GRIK2: variants seen among roughly 807,000 people sequenced by gnomAD.
GRIK2 encodes the protein glutamate receptor ionotropic, kainate 2.
Under a neutral mutation model 100.3 loss-of-function variants are expected in GRIK2, and 32 were observed. The ratio of observed to expected loss-of-function variants is 0.32; its 90% CI spans 0.24 to 0.43. The LOEUF (loss-of-function observed/expected upper bound fraction) is 0.43, where lower values mean the gene tolerates loss of function less well. Among genes scored for constraint, GRIK2 ranks in the 20% least tolerant of loss-of-function variants. The pLI is 1.00. For synonymous variants in GRIK2, 417 were observed against 389.4 expected, an observed-to-expected ratio of 1.07 and a Z score of -0.83; for missense variants, 843 against 1,114.9, an observed-to-expected ratio of 0.76 and a Z score of 3.47.
At chr6:101,948,458 T>C (rs78578065) in intron 14 of GRIK2, among the ~76,000 whole-genome samples, 38 of 125,854 alleles carry the variant, frequency 3.0e-4, no homozygotes, top group African/African-American at 7.7e-4. Flanking sequence ...TATATATATA[T>C]ACACACATAT....
intron 7 of GRIK2, among the ~76,000 whole-genome samples, chr6:101,742,227 A>G (rs1776080058): frequency 6.6e-6 from 1 of 152,332 alleles, no homozygotes; most frequent in Admixed American, 6.5e-5. Context: ...TATGCCAATC[A>G]CTAAGGTGAC....
chr6:101,642,123 G>T (rs552655310), intron 4 of GRIK2, among the ~76,000 whole-genome samples: 1 of 151,746 alleles, frequency 6.6e-6, no homozygotes, highest in African/African-American at 2.4e-5. Context: ...AACTTTTAAA[G>T]AATTTTGCAA....
chr6:101,809,964 C>A (rs2128418011), intron 9 of GRIK2, among the ~76,000 whole-genome samples: 1 of 151,870 alleles, frequency 6.6e-6, no homozygotes, highest in South Asian at 2.1e-4. Context: ...AATCAGATTG[C>A]CTTATTTGAG....
At chr6:101,398,210 G>A (rs1002085099) in intron 1 of GRIK2, among the ~76,000 whole-genome samples, 3 of 152,070 alleles carry the variant, frequency 2.0e-5, no homozygotes, top group African/African-American at 4.8e-5. Flanking sequence ...AGAAATTTGG[G>A]CATAAATTAT....
rs556481597 is a variant in GRIK2 at position 101,462,523 on chromosome 6, T to C, written c.115+63131T>C. ...GGGACACAATTTCTCTGTTTTATAG[T>C]ATAAAATGTTATTTTTCTTAAAAAA... On this transcript the variant is annotated intron_variant, in intron 2 of 16. Transcript: ENST00000369134. Among the ~76,000 whole-genome samples, 5 of 152,242 alleles carry C rather than the reference T, an allele frequency of 3.3e-5. No homozygotes were observed. The East Asian group carries it at 9.7e-4, about 29-fold the overall frequency.
intron 2 of GRIK2, among the ~76,000 whole-genome samples, chr6:101,546,900 G>A (rs200320122): frequency 0.18 from 23,838 of 133,146 alleles, 2,570 homozygotes; most frequent in South Asian, 0.31. Flanking sequence ...GCGGGATCTC[G>A]GCTCACTGCA....
rs539392805 is a variant in GRIK2 at position 102,039,406 on chromosome 6, C to A, written c.2311+3840C>A. Among the ~76,000 whole-genome samples the A allele has an allele frequency of 4.0e-5, 6 of 151,520 alleles. No homozygotes were observed. In the East Asian group the frequency reaches 1.2e-3, roughly 30 times the overall value. ...GGTAGATTTTTGAAGTTGCAGGAGA[C>A]CTTACTTGGTAAGTTAACTGAACTT... On this transcript the variant is annotated intron_variant, in intron 15 of 16. Coordinates refer to ENST00000369134, the MANE Select transcript of GRIK2 (RefSeq NM_021956.5).
chr6:101,511,955 G>A (rs1774340808), intron 2 of GRIK2, among the ~76,000 whole-genome samples: 1 of 151,728 alleles, frequency 6.6e-6, no homozygotes, highest in Admixed American at 6.6e-5. Context: ...ATACCCAATG[G>A]AAACAGCATC....
intron 7 of GRIK2, among the ~76,000 whole-genome samples, chr6:101,786,605 C>G (rs113025642): frequency 0.033 from 5,077 of 152,124 alleles, 204 homozygotes; most frequent in African/African-American, 0.094. Context: ...TTGTTTTATG[C>G]AGGTTGAACC....
chr6:101,493,047 G>A (rs1056831454), intron 2 of GRIK2, among the ~76,000 whole-genome samples: 11 of 151,856 alleles, frequency 7.2e-5, no homozygotes, highest in African/African-American at 2.7e-4. Context: ...AAGTAGATTT[G>A]ACACAGCTAA....
intron 2 of GRIK2, among the ~76,000 whole-genome samples, chr6:101,581,213 T>A (rs191024191): frequency 2.1e-5 from 3 of 144,370 alleles, no homozygotes; most frequent in Admixed American, 2.1e-4. Context: ...CGCATATATA[T>A]ACATTCACAC....
At chr6:101,967,665 C>G (rs1276374197) in intron 14 of GRIK2, among the ~76,000 whole-genome samples, 1 of 152,050 alleles carries the variant, frequency 6.6e-6, no homozygotes, top group Non-Finnish European at 1.5e-5. Flanking sequence ...CAGGTGTTTT[C>G]CTTCCCAGTG....
At chr6:101,996,150 A>G (rs975811791) in intron 14 of GRIK2, among the ~76,000 whole-genome samples, 2 of 151,866 alleles carry the variant, frequency 1.3e-5, no homozygotes, top group Admixed American at 6.6e-5. Context: ...AGGTTGTTCT[A>G]AAATTGTTCT....
chr6:101,777,845 C>T (rs983667272), intron 7 of GRIK2, among the ~76,000 whole-genome samples: 6 of 152,168 alleles, frequency 3.9e-5, no homozygotes, highest in Admixed American at 2.0e-4. Context: ...GTTCAAGGAA[C>T]TGTTACTATA....
At chr6:101,715,666 G>A (rs1451897936) in intron 7 of GRIK2, among the ~76,000 whole-genome samples, 1 of 151,702 alleles carries the variant, frequency 6.6e-6, no homozygotes, top group Non-Finnish European at 1.5e-5. Flanking sequence ...TTAATCCCAT[G>A]TTATGAAAAA....
chr6:101,781,914 A>G (rs1156952216), intron 7 of GRIK2, among the ~76,000 whole-genome samples: 1 of 152,044 alleles, frequency 6.6e-6, no homozygotes, highest in Admixed American at 6.6e-5. Context: ...AAGTGCCAGT[A>G]TGGGTTCTGA....
chr6:101,407,842 A>G (rs985904023), intron 2 of GRIK2, among the ~76,000 whole-genome samples: 1 of 152,196 alleles, frequency 6.6e-6, no homozygotes, highest in African/African-American at 2.4e-5. Flanking sequence ...TACAGAAAAT[A>G]TATACAATAG....
chr6:101,485,929 T>A (rs1428118766), intron 2 of GRIK2, among the ~76,000 whole-genome samples: 1 of 150,750 alleles, frequency 6.6e-6, no homozygotes, highest in East Asian at 2.0e-4. Flanking sequence ...TTTTTTTTTT[T>A]AGTAAAACAG....
intron 7 of GRIK2, among the ~76,000 whole-genome samples, chr6:101,700,552 T>A (rs987649523): frequency 6.6e-6 from 1 of 152,108 alleles, no homozygotes; most frequent in Non-Finnish European, 1.5e-5. Context: ...AAAGATATGT[T>A]TGCCTTACAC....
Sources: gnomAD v4.1 joint callset for allele counts (sites outside exome capture counted in the v4.1 genomes callset) on GRCh38, gnomAD v4.1.1 for gene constraint, MANE v1.5 for transcripts, NCBI Gene and HGNC (gene_info 2026-07-23, HGNC 2026-07-21) for gene names.